NKAIN2: variants seen among roughly 807,000 people sequenced by gnomAD.
NKAIN2 encodes the protein sodium/potassium-transporting ATPase subunit beta-1-interacting protein 2.
In NKAIN2, 14 loss-of-function variants were observed where a neutral mutation model predicts 32.6. The ratio of observed to expected loss-of-function variants is 0.43; its 90% confidence interval spans 0.28 to 0.67. NKAIN2 has a LOEUF of 0.67. Ranked by LOEUF, NKAIN2 falls within the 30% of genes least tolerant of loss-of-function variation. NKAIN2 has a pLI of 0.17. For missense variants in NKAIN2, 198 were observed against 258.3 expected, an observed-to-expected ratio of 0.77 and a Z score of 1.60; for synonymous variants, 80 against 87.2, an observed-to-expected ratio of 0.92 and a Z score of 0.46.
chr6:124,563,220 AG>A (rs1583444933), intron 3 of NKAIN2, among the ~76,000 whole-genome samples: 1 of 152,244 alleles, frequency 6.6e-6, no homozygotes, highest in East Asian at 1.9e-4. Flanking sequence ...AGTTTTGCAT[AG>A]AGTTACTGGC....
At chr6:124,096,610 C>A (rs976391831) in intron 1 of NKAIN2, among the ~76,000 whole-genome samples, 9 of 152,130 alleles carry the variant, frequency 5.9e-5, no homozygotes, top group African/African-American at 2.2e-4. Flanking sequence ...GCTATAGATA[C>A]CTTTTTTCTT....
chr6:124,653,952 T>C lies in NKAIN2; in HGVS notation c.274-4234T>C, dbSNP rs1784452684. On this transcript the variant is annotated intron_variant, in intron 3 of 6. Coordinates refer to ENST00000368417, the MANE Select transcript of NKAIN2 (RefSeq NM_001040214.3). Reference sequence around the variant, plus strand: ...CAGATGGCAAATAAGTATATGAAAATAGTCTCAACATCGTATGTCATCAGG... The same window carrying C: ...CAGATGGCAAATAAGTATATGAAAACAGTCTCAACATCGTATGTCATCAGG... Among the ~76,000 whole-genome samples, 3 of 152,004 alleles carry C rather than the reference T, an allele frequency of 2.0e-5. No individual in the cohort carries two copies. In the South Asian group the frequency reaches 6.2e-4, roughly 32 times the overall value.
At chr6:123,854,226 G>A (rs1775470549) in intron 1 of NKAIN2, among the ~76,000 whole-genome samples, 1 of 152,078 alleles carries the variant, frequency 6.6e-6, no homozygotes, top group Non-Finnish European at 1.5e-5. Flanking sequence ...TTTTCATGCT[G>A]TACAAAATCC....
Position 124,491,329 on chromosome 6 carries a change from C to A in NKAIN2, c.273+135982C>A, listed in dbSNP as rs548640523. On this transcript the variant is annotated intron_variant, in intron 3 of 6. Transcript: ENST00000368417. ...CTGTGCTCTCTTTAATCTCTAAGTT[C>A]TTTGTTTTGTCCTTGGATCTGCTAC... is the stretch of plus-strand genomic sequence containing the variant. Among the ~76,000 whole-genome samples, 9 of 151,876 alleles carry A rather than the reference C, an allele frequency of 5.9e-5. No individual in the cohort carries two copies. The South Asian group carries it at 1.2e-3, about 21-fold the overall frequency.
At chr6:124,263,460 C>T (rs186019392) in intron 1 of NKAIN2, among the ~76,000 whole-genome samples, 146 of 152,220 alleles carry the variant, frequency 9.6e-4, no homozygotes, top group African/African-American at 3.1e-3. Flanking sequence ...CCTTGCTCTG[C>T]GGACACAAGC....
At chr6:124,401,967 C>A (rs1011951094) in intron 3 of NKAIN2, among the ~76,000 whole-genome samples, 17 of 151,956 alleles carry the variant, frequency 1.1e-4, no homozygotes, top group African/African-American at 3.9e-4. Context: ...TTTAAGTAAT[C>A]ATTCTTTATC....
At chr6:124,405,840 A>T (rs1449969296) in intron 3 of NKAIN2, among the ~76,000 whole-genome samples, 1 of 152,230 alleles carries the variant, frequency 6.6e-6, no homozygotes. Flanking sequence ...AAAGTAAAAC[A>T]AAACAATGGC....
intron 1 of NKAIN2, among the ~76,000 whole-genome samples, chr6:124,243,048 A>C (rs945676210): frequency 2.6e-5 from 4 of 151,720 alleles, no homozygotes; most frequent in Non-Finnish European, 4.4e-5. Flanking sequence ...TAAAAAAAAA[A>C]AAACCCAAGG....
chr6:124,514,009 A>C (rs545419464), intron 3 of NKAIN2, among the ~76,000 whole-genome samples: 1 of 152,336 alleles, frequency 6.6e-6, no homozygotes. Flanking sequence ...AATACTAGCT[A>C]TGCTATATTT....
At chr6:124,208,867 T>C (rs537770696) in intron 1 of NKAIN2, among the ~76,000 whole-genome samples, 1 of 151,822 alleles carries the variant, frequency 6.6e-6, no homozygotes, top group African/African-American at 2.4e-5. Context: ...ATTTATGGGG[T>C]ATATATGATA....
chr6:124,286,584 G>A (rs548651016), intron 2 of NKAIN2, among the ~76,000 whole-genome samples: 37 of 151,214 alleles, frequency 2.4e-4, no homozygotes, highest in African/African-American at 7.1e-4. Context: ...ATTTCTAATC[G>A]TAGTGAGTTA....
chr6:124,737,374 A>G (rs1777000890), intron 4 of NKAIN2, among the ~76,000 whole-genome samples: 1 of 151,794 alleles, frequency 6.6e-6, no homozygotes, highest in Non-Finnish European at 1.5e-5. Context: ...CCATGTGAAG[A>G]GGGACATGTT....
chr6:123,884,171 C>T (rs1773604707), intron 1 of NKAIN2, among the ~76,000 whole-genome samples: 1 of 152,006 alleles, frequency 6.6e-6, no homozygotes, highest in South Asian at 2.1e-4. Flanking sequence ...TCCATGTGCT[C>T]TCTTCATTTA....
chr6:124,413,123 G>T (rs186242639), intron 3 of NKAIN2, among the ~76,000 whole-genome samples: 1 of 152,038 alleles, frequency 6.6e-6, no homozygotes, highest in African/African-American at 2.4e-5. Flanking sequence ...TGCACTTCCC[G>T]GGTGAGGTGA....
intron 1 of NKAIN2, among the ~76,000 whole-genome samples, chr6:123,868,969 A>C (rs1404269408): frequency 6.6e-6 from 1 of 152,226 alleles, no homozygotes; most frequent in Non-Finnish European, 1.5e-5. Context: ...AAGTCTGTAC[A>C]TTCATCAGGA....
At chr6:124,426,541 G>T (rs958958832) in intron 3 of NKAIN2, among the ~76,000 whole-genome samples, 1 of 152,126 alleles carries the variant, frequency 6.6e-6, no homozygotes, top group African/African-American at 2.4e-5. Flanking sequence ...TGCCAAAGAA[G>T]ATAGACAGAT....
chr6:124,598,885 C>T (rs1249202991), intron 3 of NKAIN2, among the ~76,000 whole-genome samples: 2 of 152,010 alleles, frequency 1.3e-5, no homozygotes, highest in Non-Finnish European at 2.9e-5. Flanking sequence ...AAATGCAATG[C>T]CTTCTCAAGT....
At chr6:124,695,730 C>T (rs954146329) in intron 4 of NKAIN2, among the ~76,000 whole-genome samples, 6 of 152,216 alleles carry the variant, frequency 3.9e-5, no homozygotes, top group Non-Finnish European at 7.4e-5. Context: ...AATGCAAACT[C>T]GGCTAAAGTA....
At chr6:123,978,749 G>T (rs1778758395) in intron 1 of NKAIN2, among the ~76,000 whole-genome samples, 1 of 152,046 alleles carries the variant, frequency 6.6e-6, no homozygotes, top group African/African-American at 2.4e-5. Flanking sequence ...TCTTGTTAAG[G>T]CTTATTTTCA....
Sources: allele counts gnomAD v4.1 joint callset (sites outside exome capture counted in the v4.1 genomes callset), GRCh38; gene constraint gnomAD v4.1.1; transcripts MANE v1.5; gene names NCBI Gene and HGNC (gene_info 2026-07-23, HGNC 2026-07-21).